RNF17: variants seen among roughly 807,000 people sequenced by gnomAD.
The protein encoded by RNF17 is ring finger protein 17, also known as spermatogenesis associated 23.
Under a neutral mutation model 200.5 loss-of-function variants are expected in RNF17, and 31 were observed. The ratio of observed to expected loss-of-function variants is 0.15; its 90% CI spans 0.12 to 0.21. The LOEUF (loss-of-function observed/expected upper bound fraction) is 0.21. Among genes scored for constraint, RNF17 ranks in the 10% least tolerant of loss-of-function variants. The pLI, the probability that RNF17 is intolerant of heterozygous loss-of-function variation, is 1.00. For synonymous variants in RNF17, 606 were observed against 637.8 expected (o/e 0.95, Z 0.75); for missense variants, 1,628 against 1,905.1 (o/e 0.85, Z 2.71).
At chr13:24,838,403 C>G (rs1373080122) in intron 18 of RNF17, among the ~76,000 whole-genome samples, 1 of 152,094 alleles carries the variant, frequency 6.6e-6, no homozygotes, top group South Asian at 2.1e-4. Flanking sequence ...AGACTGATAT[C>G]CTTCATGAAC....
At chr13:24,796,048 C>T in intron 10 of RNF17, 89 bp from the exon 11 acceptor site, 1 of 974,018 alleles carries the variant, frequency 1.0e-6, no homozygotes, top group Non-Finnish European at 1.5e-6. Flanking sequence ...CCATAAGACA[C>T]TCTTTTAGAG....
At chr13:24,755,884 A>G in the RNF17 span, among the ~76,000 whole-genome samples, 33,970 of 152,054 alleles carry the variant, frequency 0.22, 4,270 homozygotes, top group East Asian at 0.42. Flanking sequence ...ATGTTGTTTC[A>G]CCTTCAGTAG....
At chr13:24,845,994 A>G (rs1033631753) in intron 22 of RNF17, among the ~76,000 whole-genome samples, 9 of 152,292 alleles carry the variant, frequency 5.9e-5, no homozygotes, top group African/African-American at 2.2e-4. Flanking sequence ...TTGGGACACT[A>G]AGGCAGGAAC....
At chr13:24,791,155 G>A (rs879611149) in intron 9 of RNF17, among the ~76,000 whole-genome samples, 7 of 152,088 alleles carry the variant, frequency 4.6e-5, no homozygotes, top group African/African-American at 1.7e-4. Flanking sequence ...ATGGCCATTT[G>A]GGGGATTATT....
intron 24 of RNF17, among the ~76,000 whole-genome samples, chr13:24,852,380 T>C (rs370005389): frequency 0.012 from 1,769 of 152,198 alleles, 76 homozygotes; most frequent in Admixed American, 0.081. Flanking sequence ...CCTCGTGATC[T>C]GCCCGCCTTG....
chr13:24,793,733 A>G (rs1456480552), intron 10 of RNF17, among the ~76,000 whole-genome samples: 5 of 152,242 alleles, frequency 3.3e-5, no homozygotes, highest in East Asian at 3.8e-4. Flanking sequence ...GATTTAATAT[A>G]AACTATCATG....
At chr13:24,873,111 A>G (rs939763190) in intron 32 of RNF17, among the ~76,000 whole-genome samples, 1 of 152,242 alleles carries the variant, frequency 6.6e-6, no homozygotes, top group Non-Finnish European at 1.5e-5. Context: ...AGCAAATGAA[A>G]GGACAGAATG....
intron 16 of RNF17, among the ~76,000 whole-genome samples, chr13:24,826,814 A>C (rs1174557403): frequency 6.6e-6 from 1 of 151,390 alleles, no homozygotes; most frequent in Non-Finnish European, 1.5e-5. Context: ...TAATCCCAGC[A>C]CTTTGGGAGG....
At chr13:24,881,616 G>C (rs1407089153), downstream of RNF17, among the ~76,000 whole-genome samples, 6 of 150,690 alleles carry the variant, frequency 4.0e-5, no homozygotes, top group South Asian at 2.1e-4. Context: ...AGATTACATA[G>C]CTATCTATAA....
chr13:24,752,689 C>T, the RNF17 span, among the ~76,000 whole-genome samples: 11,040 of 152,284 alleles, frequency 0.072, 576 homozygotes, highest in Non-Finnish European at 0.1. Context: ...GGATGGAAGC[C>T]GCTGATCTGA....
chr13:24,880,091 T>C (rs922439671), downstream of RNF17, among the ~76,000 whole-genome samples: 5 of 152,212 alleles, frequency 3.3e-5, no homozygotes, highest in East Asian at 1.9e-4. Flanking sequence ...TCTCTTCTTA[T>C]ACTGCTATAA....
intron 17 of RNF17, 61 bp from the exon 18 acceptor site, chr13:24,831,797 G>A: frequency 2.8e-6 from 4 of 1,440,082 alleles, no homozygotes; most frequent in Non-Finnish European, 3.8e-6. Context: ...AATAAAACTT[G>A]AATTCTAAAG....
the RNF17 span, among the ~76,000 whole-genome samples, chr13:24,754,501 C>T: frequency 5.3e-5 from 8 of 152,226 alleles, no homozygotes; most frequent in South Asian, 1.7e-3. Flanking sequence ...AATCAGAAGA[C>T]GTCTGAGGAG....
At chr13:24,868,186 T>A (rs1302282346) in intron 30 of RNF17, among the ~76,000 whole-genome samples, 1 of 152,144 alleles carries the variant, frequency 6.6e-6, no homozygotes, top group Non-Finnish European at 1.5e-5. Context: ...GAGAGCTTGC[T>A]GGGGCCGGGC....
Position 24,799,569 on chromosome 13 carries a change from T to A in RNF17, c.1574T>A (p.Val525Asp). Residue 525 changes from valine to aspartate, a missense_variant, in exon 12 of 36, where the codon GTC becomes GAC. Physicochemically the swap from Val to Asp is radical, Grantham distance 152. Around this residue, in one of 5 missense-constraint regions of RNF17, gnomAD observed 289 missense variants for 384.9 expected, o/e 0.75. Coordinates refer to ENST00000255324, the MANE Select transcript of RNF17 (RefSeq NM_031277.3). ...IFMVDFGNSEVLIVTGVVDTH... is the reference protein window; with the variant it reads ...IFMVDFGNSEDLIVTGVVDTH... Reference sequence around the variant, plus strand: ...ATGGTAGATTTTGGAAATTCTGAAGTCCTGATTGTCACTGGGTATGATATT... The same window carrying A: ...ATGGTAGATTTTGGAAATTCTGAAGACCTGATTGTCACTGGGTATGATATT... The A allele has an allele frequency of 6.3e-7, 1 of 1,597,814 alleles. No individual in the cohort carries two copies. Among genetic ancestry groups the A allele is most frequent in the Non-Finnish European group, 8.6e-7 (1 of 1,167,280 alleles).
At chr13:24,881,816 CTATATAGATACATCTATATAGA>C (rs1953831676), downstream of RNF17, among the ~76,000 whole-genome samples, 2 of 50,422 alleles carry the variant, frequency 4.0e-5, no homozygotes, top group African/African-American at 2.0e-4. Context: ...AGATATCTAT[CTATATAGATACATCTATATAGA>C]TATATAGATA....
chr13:24,805,388 T>G (rs929438594), intron 15 of RNF17, among the ~76,000 whole-genome samples: 9 of 152,212 alleles, frequency 5.9e-5, no homozygotes, highest in African/African-American at 2.2e-4. Flanking sequence ...GATAAACTTC[T>G]GTTCTACTTT....
chr13:24,852,049 G>A (rs1392863949), intron 24 of RNF17, among the ~76,000 whole-genome samples: 3 of 151,862 alleles, frequency 2.0e-5, no homozygotes, highest in East Asian at 3.9e-4. Context: ...ATCCTTTCGG[G>A]TTCTATGTTT....
chr13:24,758,303 A>T, the RNF17 span, among the ~76,000 whole-genome samples: 1 of 152,020 alleles, frequency 6.6e-6, no homozygotes, highest in Admixed American at 6.6e-5. Context: ...CCCACCTCAA[A>T]TTTTTACCTT....
Sources: allele counts gnomAD v4.1 joint callset (sites outside exome capture counted in the v4.1 genomes callset), GRCh38; gene constraint gnomAD v4.1.1; regional missense constraint gnomAD v4.1.1; transcripts MANE v1.5; gene names NCBI Gene and HGNC (gene_info 2026-07-23, HGNC 2026-07-21).